Variants in KIAA1217 observed in about 807,000 individuals in gnomAD.
KIAA1217 encodes the protein KIAA1217, also known as sickle tail protein homolog.
KIAA1217 carries 88 observed loss-of-function variants against 163.9 expected under a neutral mutation model. That is an observed-to-expected ratio of 0.54 (90% confidence interval 0.45 to 0.64). KIAA1217 has a LOEUF of 0.64. Ranked by LOEUF, KIAA1217 falls within the 30% of genes least tolerant of loss-of-function variation. The probability of loss-of-function intolerance (pLI) is 0.00; values close to 1 mark genes in which losing one functional copy is unlikely to be tolerated. For missense variants in KIAA1217, 2,372 were observed against 2,475.0 expected, an observed-to-expected ratio of 0.96 and a Z score of 0.88; for synonymous variants, 903 against 923.1, an observed-to-expected ratio of 0.98 and a Z score of 0.39.
At chr10:23,852,071 A>G (rs1039263433) in intron 1 of KIAA1217, among the ~76,000 whole-genome samples, 2 of 152,006 alleles carry the variant, frequency 1.3e-5, no homozygotes, top group African/African-American at 2.4e-5. Flanking sequence ...TTGGTGTTTT[A>G]GACATGAAGT....
intron 2 of KIAA1217, among the ~76,000 whole-genome samples, chr10:24,309,038 A>G (rs1365040681): frequency 3.3e-5 from 5 of 150,478 alleles, no homozygotes; most frequent in African/African-American, 4.9e-5. Flanking sequence ...TCGGAGGATC[A>G]CTTGAACCCA....
chr10:23,917,328 T>A (rs1365405606), intron 1 of KIAA1217, among the ~76,000 whole-genome samples: 1 of 152,098 alleles, frequency 6.6e-6, no homozygotes, highest in African/African-American at 2.4e-5. Context: ...CTCATTTCAG[T>A]CCAGAGAGCT....
intron 1 of KIAA1217, among the ~76,000 whole-genome samples, chr10:23,856,860 G>A (rs973716969): frequency 1.1e-4 from 16 of 152,318 alleles, no homozygotes; most frequent in East Asian, 7.7e-4. Context: ...TAAGCCCATC[G>A]GAAAAGCGCA....
At chr10:24,358,545 T>C (rs2049432671) in intron 2 of KIAA1217, among the ~76,000 whole-genome samples, 2 of 152,328 alleles carry the variant, frequency 1.3e-5, no homozygotes, top group Middle Eastern at 6.8e-3. Context: ...GAATATTAAC[T>C]ATTTCAAAGC....
At chr10:24,186,922 A>G (rs2066461948) in intron 2 of KIAA1217, among the ~76,000 whole-genome samples, 1 of 152,068 alleles carries the variant, frequency 6.6e-6, no homozygotes, top group South Asian at 2.1e-4. Context: ...TTAATCTAGT[A>G]TTTTTCATTC....
intron 2 of KIAA1217, among the ~76,000 whole-genome samples, chr10:24,346,095 G>C (rs1327260883): frequency 6.6e-6 from 1 of 152,092 alleles, no homozygotes; most frequent in Non-Finnish European, 1.5e-5. Flanking sequence ...TATGTGACTG[G>C]TTTATTTCAC....
intron 2 of KIAA1217, among the ~76,000 whole-genome samples, chr10:24,173,269 A>G (rs76872954): frequency 0.018 from 2,665 of 152,192 alleles, 27 homozygotes; most frequent in Middle Eastern, 0.058. Context: ...TCACCCCCAA[A>G]TGGGACCATC....
intron 1 of KIAA1217, among the ~76,000 whole-genome samples, chr10:23,962,232 G>T (rs1844848217): frequency 6.6e-6 from 1 of 152,140 alleles, no homozygotes; most frequent in African/African-American, 2.4e-5. Flanking sequence ...ATATTGCTTT[G>T]GCCCTTCTTA....
At chr10:24,019,983 A>G (rs1436280162) in intron 2 of KIAA1217, among the ~76,000 whole-genome samples, 1 of 152,092 alleles carries the variant, frequency 6.6e-6, no homozygotes, top group East Asian at 1.9e-4. Context: ...AAGATACATT[A>G]CTGTGAAACT....
intron 2 of KIAA1217, among the ~76,000 whole-genome samples, chr10:24,116,345 A>C (rs2063053655): frequency 1.3e-5 from 2 of 152,126 alleles, no homozygotes; most frequent in African/African-American, 4.8e-5. Flanking sequence ...GGAGTCTGAA[A>C]ACTTTCTCTG....
intron 2 of KIAA1217, among the ~76,000 whole-genome samples, chr10:24,281,271 C>T (rs535078952): frequency 6.6e-6 from 1 of 152,100 alleles, no homozygotes; most frequent in African/African-American, 2.4e-5. Flanking sequence ...CATTTTTTTG[C>T]CATCGTTTTT....
At position 24,436,999 on chromosome 10, in the gene KIAA1217, G is replaced by T. The variant is rs144837036; in HGVS notation, c.753-1387G>T. 7.6e-4 allele frequency among the ~76,000 whole-genome samples: 116 copies of T among 152,222 alleles called. 1 individual carries two copies. The highest frequency in any genetic ancestry group is 2.7e-3 in the African/African-American group (111 of 41,544). On this transcript the variant is annotated intron_variant, in intron 4 of 20. Coordinates refer to ENST00000376454, the MANE Select transcript of KIAA1217 (RefSeq NM_019590.5). ...GTCAGAATATTGTGTTGTAAATGTT[G>T]CCACAGTAAATGCAACCCCGGCCTT...
intron 9 of KIAA1217, 94 bp downstream of exon 9, chr10:24,501,639 G>T: frequency 9.5e-7 from 1 of 1,055,878 alleles, no homozygotes. Flanking sequence ...AGAGAATGTA[G>T]AACCATAGAA....
chr10:23,830,106 A>G (rs1588903255), intron 1 of KIAA1217, among the ~76,000 whole-genome samples: 1 of 152,300 alleles, frequency 6.6e-6, no homozygotes, highest in East Asian at 1.9e-4. Context: ...TAATTGATTT[A>G]ATGACAGAAT....
rs187145191 is a variant in KIAA1217 at position 24,536,960 on chromosome 10, C to T, written c.3534+67C>T. The T allele has an allele frequency of 2.8e-4, 436 of 1,583,296 alleles. No homozygotes were observed. In the African/African-American group the frequency reaches 4.8e-3, roughly 17 times the overall value. ...TTCCTTCCTTGCTCTGACACTAACA[C>T]GGCTCTTATACTCGACCTTTGTCCC... On this transcript the variant is annotated intron_variant, in intron 17 of 20. Transcript: ENST00000376454.
intron 2 of KIAA1217, among the ~76,000 whole-genome samples, chr10:24,288,825 CT>C: frequency 6.6e-6 from 1 of 152,248 alleles, no homozygotes; most frequent in Non-Finnish European, 1.5e-5. Flanking sequence ...AATGAAGTAC[CT>C]GGTTAAGATG....
intron 2 of KIAA1217, among the ~76,000 whole-genome samples, chr10:24,363,138 T>C (rs1002079391): frequency 6.6e-6 from 1 of 152,166 alleles, no homozygotes; most frequent in African/African-American, 2.4e-5. Context: ...AACCCTGAAA[T>C]AGACATAGCA....
rs147833045 is a variant in KIAA1217, at chr10:23,761,042, G to T, written c.-321+65808G>T. Among the ~76,000 whole-genome samples, 278 of 152,080 alleles carry T rather than the reference G, an allele frequency of 1.8e-3. 14 individuals carry two copies. The East Asian group carries it at 0.028, about 15-fold the overall frequency. On this transcript the variant is annotated intron_variant, in intron 1 of 18. Coordinates refer to the KIAA1217 transcript ENST00000376462. The stretch of plus-strand genomic sequence containing the variant: ...AGGTGGGAGGATCACTTGAGGCCAG[G>T]AGTTTGAGATTAGGCTGGGCAACAT...
At chr10:24,335,004 A>G (rs1044916039) in intron 2 of KIAA1217, among the ~76,000 whole-genome samples, 5 of 152,222 alleles carry the variant, frequency 3.3e-5, no homozygotes, top group African/African-American at 1.2e-4. Context: ...CATCACTATT[A>G]ATAGTTGCCA....
Sources: allele counts gnomAD v4.1 joint callset (sites outside exome capture counted in the v4.1 genomes callset), GRCh38; gene constraint gnomAD v4.1.1; transcripts MANE v1.5; gene names NCBI Gene and HGNC (gene_info 2026-07-23, HGNC 2026-07-21).